NTRK3: variants seen among roughly 807,000 people sequenced by gnomAD.
The protein encoded by NTRK3 is NT-3 growth factor receptor.
Under a neutral mutation model 91.7 loss-of-function variants are expected in NTRK3, and 24 were observed. The observed-to-expected ratio is 0.26, with a 90% CI of 0.19 to 0.37. The LOEUF is 0.37. Among genes scored for constraint, NTRK3 ranks in the 10% least tolerant of loss-of-function variants. The probability of loss-of-function intolerance (pLI) is 1.00; values close to 1 mark genes in which losing one functional copy is unlikely to be tolerated. For synonymous variants in NTRK3, 483 were observed against 404.0 expected (o/e 1.20, Z -2.34); for missense variants, 880 against 1,068.9 (o/e 0.82, Z 2.46).
At chr15:88,058,068 T>C (rs2045886347) in intron 13 of NTRK3, among the ~76,000 whole-genome samples, 1 of 152,174 alleles carries the variant, frequency 6.6e-6, no homozygotes. Context: ...TCTCACTGGC[T>C]CTGCAAGCCA....
chr15:88,144,453 GT>G (rs959536522), intron 6 of NTRK3, among the ~76,000 whole-genome samples: 73 of 151,160 alleles, frequency 4.8e-4, no homozygotes, highest in East Asian at 1.6e-3. Context: ...TAACTTGTTT[GT>G]TTTTTTTTCC....
chr15:88,223,899 A>G (rs2050455269), intron 3 of NTRK3, among the ~76,000 whole-genome samples: 2 of 152,192 alleles, frequency 1.3e-5, no homozygotes, highest in African/African-American at 4.8e-5. Flanking sequence ...ACAACCAGGC[A>G]TGGGAGGTGT....
At chr15:88,217,803 G>T (rs2049918633) in intron 3 of NTRK3, among the ~76,000 whole-genome samples, 2 of 150,132 alleles carry the variant, frequency 1.3e-5, no homozygotes, top group African/African-American at 4.9e-5. Flanking sequence ...CTGTCGCCCA[G>T]GCTGGAATGC....
chr15:88,005,969 T>G (rs1412315277), intron 14 of NTRK3, among the ~76,000 whole-genome samples: 3 of 152,176 alleles, frequency 2.0e-5, no homozygotes, highest in African/African-American at 7.2e-5. Flanking sequence ...CGATGTGCAC[T>G]GGGGCTCACT....
intron 14 of NTRK3, among the ~76,000 whole-genome samples, chr15:87,950,626 A>G (rs2071018829): frequency 2.0e-5 from 3 of 152,212 alleles, no homozygotes; most frequent in South Asian, 4.1e-4. Flanking sequence ...TTACTAAACC[A>G]GTCTCAAATG....
intron 13 of NTRK3, among the ~76,000 whole-genome samples, chr15:88,040,569 GC>G (rs1432719916): frequency 1.3e-5 from 2 of 152,188 alleles, no homozygotes; most frequent in African/African-American, 4.8e-5. Context: ...TTTCTCTAAT[GC>G]CCTACTGTTG....
At chr15:87,891,880 G>A (rs1467870099) in intron 17 of NTRK3, among the ~76,000 whole-genome samples, 1 of 152,146 alleles carries the variant, frequency 6.6e-6, no homozygotes, top group East Asian at 1.9e-4. Context: ...TCCGTGCCAT[G>A]TAATAGGCAG....
chr15:87,940,878 C>T, intron 14 of NTRK3, 125 bp from the exon 15 acceptor site: 1 of 1,237,250 alleles, frequency 8.1e-7, no homozygotes, highest in Non-Finnish European at 1.2e-6. Flanking sequence ...CAAAGGCAAA[C>T]TCTAGCACAC....
At chr15:88,103,138 T>C (rs2050350441) in intron 13 of NTRK3, among the ~76,000 whole-genome samples, 2 of 152,208 alleles carry the variant, frequency 1.3e-5, no homozygotes, top group Admixed American at 6.5e-5. Context: ...CTTGGCTAGA[T>C]GGTAGGACTT....
intron 13 of NTRK3, among the ~76,000 whole-genome samples, chr15:88,058,198 G>C (rs947840936): frequency 6.6e-6 from 1 of 152,166 alleles, no homozygotes; most frequent in Non-Finnish European, 1.5e-5. Flanking sequence ...GGCCAAAGGG[G>C]AAAGAGTCCA....
chr15:87,894,986 T>C lies in NTRK3; in HGVS notation c.2134-14558A>G, dbSNP rs75236357. The stretch of plus-strand genomic sequence containing the variant: ...ACTTTCTCTCCAGATATCATCTGGA[T>C]TCCTGGTATATCTTTGTGGGGGTGG... On this transcript the variant is annotated intron_variant, in intron 17 of 18. Coordinates refer to ENST00000394480, the Ensembl canonical transcript of NTRK3. Among the ~76,000 whole-genome samples, 416 of 152,286 alleles carry C rather than the reference T, an allele frequency of 2.7e-3. 2 individuals carry two copies. Among genetic ancestry groups the C allele is most frequent in the African/African-American group, 9.3e-3 (385 of 41,548 alleles).
chr15:88,148,785 C>G lies in NTRK3; in HGVS notation c.396-1382G>C, dbSNP rs181291703. Among the ~76,000 whole-genome samples, 928 of 152,254 alleles carry G rather than the reference C, an allele frequency of 6.1e-3. 22 individuals are homozygous for G. Among genetic ancestry groups the G allele is most frequent in the Non-Finnish European group, 8.3e-3 (562 of 68,022 alleles). Reference sequence around the variant, plus strand: ...CCAAGACTGGAAGTTGGCAGGCCAGCTAGGAAGCTGCTACAGTCTTCCAAC... The same window carrying G: ...CCAAGACTGGAAGTTGGCAGGCCAGGTAGGAAGCTGCTACAGTCTTCCAAC... On this transcript the variant is annotated intron_variant, in intron 5 of 18. Coordinates refer to ENST00000394480, the Ensembl canonical transcript of NTRK3.
At chr15:88,148,946 A>G (rs1233616401) in intron 5 of NTRK3, among the ~76,000 whole-genome samples, 2 of 152,182 alleles carry the variant, frequency 1.3e-5, no homozygotes, top group East Asian at 3.8e-4. Flanking sequence ...TGGTGACATC[A>G]TTGAGTAGAA....
chr15:88,073,134 G>A (rs536564635), intron 13 of NTRK3, among the ~76,000 whole-genome samples: 1 of 152,138 alleles, frequency 6.6e-6, no homozygotes, highest in Admixed American at 6.5e-5. Flanking sequence ...TCAAAGCCTG[G>A]TTCTCAGACC....
Position 87,994,055 on chromosome 15 carries a change from C to A in NTRK3, c.1585+38802G>T, listed in dbSNP as rs2075493505. The stretch of plus-strand genomic sequence containing the variant: ...ATTATGGTATTTCACTGGTGAGTGG[C>A]AAGAGAGAGGCATACACCCACAGCT... On this transcript the variant is annotated intron_variant, in intron 14 of 18. Transcript: ENST00000394480. Among the ~76,000 whole-genome samples, 6 of 152,062 alleles carry A rather than the reference C, an allele frequency of 3.9e-5. No individual in the cohort carries two copies. In the South Asian group the frequency reaches 1.2e-3, roughly 32 times the overall value.
intron 3 of NTRK3, among the ~76,000 whole-genome samples, chr15:88,194,511 T>C (rs2047661753): frequency 6.6e-6 from 1 of 152,206 alleles, no homozygotes; most frequent in Non-Finnish European, 1.5e-5. Flanking sequence ...CTGTCATTGA[T>C]TCTACCCTTC....
chr15:88,089,950 T>C (rs1292496234), intron 13 of NTRK3, among the ~76,000 whole-genome samples: 1 of 152,206 alleles, frequency 6.6e-6, no homozygotes, highest in Non-Finnish European at 1.5e-5. Context: ...TAATCTGCTA[T>C]TACCCCTGCA....
Position 88,167,468 on chromosome 15 carries a change from T to C in NTRK3, c.395+15950A>G, listed in dbSNP as rs1326613455. On this transcript the variant is annotated intron_variant, in intron 5 of 18. Transcript: ENST00000394480. ...GCTCCTACTCTACTACTTCTAGCTG[T>C]GTGGTCTTGGACAATGCATTCTCTC... Among the ~76,000 whole-genome samples, 182 of 152,324 alleles carry C rather than the reference T, an allele frequency of 1.2e-3. 1 individual carries two copies. Among genetic ancestry groups the C allele is most frequent in the Non-Finnish European group, 5.0e-4 (34 of 68,022 alleles).
chr15:88,195,747 T>C (rs1170094516), intron 3 of NTRK3, among the ~76,000 whole-genome samples: 1 of 152,210 alleles, frequency 6.6e-6, no homozygotes, highest in African/African-American at 2.4e-5. Context: ...GAGACAGACA[T>C]TGATTTTGAC....
Sources: gnomAD v4.1 joint callset for allele counts (sites outside exome capture counted in the v4.1 genomes callset) on GRCh38, gnomAD v4.1.1 for gene constraint, MANE v1.5 for transcripts, NCBI Gene and HGNC (gene_info 2026-07-23, HGNC 2026-07-21) for gene names.